TEX11: variants seen among roughly 807,000 people sequenced by gnomAD.
TEX11 encodes testis expressed 11, also known as testis-expressed protein 11.
Under a neutral mutation model 84.4 loss-of-function variants are expected in TEX11, and 7 were observed. The ratio of observed to expected loss-of-function variants is 0.08; its 90% CI spans 0.05 to 0.16. The LOEUF (loss-of-function observed/expected upper bound fraction) is 0.16, where lower values mean the gene tolerates loss of function less well. Among genes scored for constraint, TEX11 ranks in the 10% least tolerant of loss-of-function variants. The probability of loss-of-function intolerance (pLI) is 1.00; values close to 1 mark genes in which losing one functional copy is unlikely to be tolerated. For synonymous variants in TEX11, 264 were observed against 222.8 expected, an observed-to-expected ratio of 1.18 and a Z score of -1.64; for missense variants, 551 against 660.5, an observed-to-expected ratio of 0.83 and a Z score of 1.82.
intron 20 of TEX11, among the ~76,000 whole-genome samples, chrX:70,620,661 G>A (rs949797768): frequency 8.9e-6 from 1 of 112,438 alleles, no homozygotes; most frequent in Non-Finnish European, 1.9e-5. Context: ...AATGTTTACA[G>A]AAACTTTATT....
intron 8 of TEX11, among the ~76,000 whole-genome samples, chrX:70,827,100 G>A (rs1388219083): frequency 3.6e-5 from 4 of 111,347 alleles, no homozygotes; most frequent in African/African-American, 9.8e-5. Flanking sequence ...CAGGGCACTG[G>A]GCAGAGTAGT....
intron 9 of TEX11, among the ~76,000 whole-genome samples, chrX:70,799,132 T>C (rs1438356207): frequency 8.9e-6 from 1 of 111,882 alleles, no homozygotes; most frequent in Non-Finnish European, 1.9e-5. Flanking sequence ...ATATAAATTT[T>C]ATTTATCAAC....
At chrX:70,638,757 C>T (rs1337864551) in intron 17 of TEX11, among the ~76,000 whole-genome samples, 7 of 95,638 alleles carry the variant, frequency 7.3e-5, no homozygotes, top group African/African-American at 1.2e-4. Context: ...GCCAAGATGG[C>T]GCCACTGCAT....
intron 25 of TEX11, among the ~76,000 whole-genome samples, chrX:70,560,184 CTT>C (rs891986846): frequency 9.5e-6 from 1 of 105,517 alleles, no homozygotes; most frequent in African/African-American, 3.5e-5. Flanking sequence ...GATTTTCACT[CTT>C]GTTGCCCAGG....
chrX:70,857,289 A>G (rs917100499), intron 5 of TEX11: 1 of 127,924 alleles, frequency 7.8e-6, no homozygotes, highest in Non-Finnish European at 1.6e-5. Flanking sequence ...TAGTGCCTCA[A>G]TCGCTCTTCT....
At chrX:70,578,864 G>C (rs1453577801) in intron 25 of TEX11, among the ~76,000 whole-genome samples, 1 of 101,255 alleles carries the variant, frequency 9.9e-6, no homozygotes, top group South Asian at 4.8e-4. Context: ...TCTGCCTCCC[G>C]GGTTCGAGCA....
intron 24 of TEX11, among the ~76,000 whole-genome samples, chrX:70,600,159 C>A (rs1251837730): frequency 9.0e-6 from 1 of 111,553 alleles, no homozygotes; most frequent in Non-Finnish European, 1.9e-5. Context: ...GTTCCTATTT[C>A]TCCACATCCT....
At chrX:70,611,280 C>T (rs192007360) in intron 20 of TEX11, among the ~76,000 whole-genome samples, 1 of 111,444 alleles carries the variant, frequency 9.0e-6, no homozygotes, top group Non-Finnish European at 1.9e-5. Context: ...CTATAAGAGA[C>T]GAGAGGAAAA....
At chrX:70,593,491 A>C (rs2404187) in intron 24 of TEX11, among the ~76,000 whole-genome samples, 46,702 of 111,042 alleles carry the variant, frequency 0.42, 8,227 homozygotes, top group East Asian at 0.6. Context: ...GCAAAGAGAC[A>C]GGAAAGTGTG....
chrX:70,748,962 G>T (rs1426693759), intron 9 of TEX11, among the ~76,000 whole-genome samples: 16 of 106,449 alleles, frequency 1.5e-4, no homozygotes, highest in African/African-American at 4.6e-4. Flanking sequence ...GTGAAGAAAG[G>T]CATTGGTAGC....
chrX:70,607,870 T>G (rs1028007532), intron 22 of TEX11, among the ~76,000 whole-genome samples: 5 of 112,210 alleles, frequency 4.5e-5, no homozygotes, highest in Middle Eastern at 4.2e-3. Flanking sequence ...TCACCAAACT[T>G]GTCTATATTT....
At chrX:70,684,148 A>G (rs1453326123) in intron 13 of TEX11, among the ~76,000 whole-genome samples, 2 of 112,375 alleles carry the variant, frequency 1.8e-5, no homozygotes, top group East Asian at 5.5e-4. Flanking sequence ...ACTCCACCAA[A>G]GAACTCTAAG....
chrX:70,611,408 C>A (rs995428255), intron 20 of TEX11, among the ~76,000 whole-genome samples: 14 of 111,609 alleles, frequency 1.3e-4, no homozygotes, highest in African/African-American at 4.6e-4. Flanking sequence ...AGTAGGAAAA[C>A]CTGAAGCGTA....
chrX:70,658,285 C>T (rs1356679779), intron 16 of TEX11, among the ~76,000 whole-genome samples: 2 of 110,473 alleles, frequency 1.8e-5, no homozygotes, highest in Admixed American at 9.6e-5. Context: ...GGCACGATGG[C>T]GGGTGCCTGT....
intron 13 of TEX11, among the ~76,000 whole-genome samples, chrX:70,708,897 C>T (rs1274282369): frequency 1.9e-5 from 2 of 107,095 alleles, no homozygotes; most frequent in Non-Finnish European, 3.9e-5. Context: ...GCATATGTGT[C>T]CCTTGTATCT....
chrX:70,618,395 C>T (rs1482972057), intron 20 of TEX11, among the ~76,000 whole-genome samples: 3 of 111,362 alleles, frequency 2.7e-5, no homozygotes, highest in Admixed American at 9.5e-5. Context: ...CCTGGGTCCA[C>T]GAAATTAGTG....
chrX:70,731,985 G>A lies in TEX11; in HGVS notation c.844-6642C>T, dbSNP rs769382994. ...CAAGTGGACTTCATCCCTGGGATGC[G>A]AGGCTGGTTCAACATGTGCAAATCA... On this transcript the variant is annotated intron_variant, in intron 11 of 29. Transcript: ENST00000374333. Among the ~76,000 whole-genome samples the A allele has an allele frequency of 1.5e-3, 165 of 111,881 alleles. 1 individual carries two copies. The highest frequency in any genetic ancestry group is 5.1e-3 in the African/African-American group (157 of 30,810).
At chrX:70,814,423 G>A (rs1363629233) in intron 8 of TEX11, among the ~76,000 whole-genome samples, 5 of 112,324 alleles carry the variant, frequency 4.5e-5, no homozygotes, top group Admixed American at 2.8e-4. Flanking sequence ...TCCCAGATAC[G>A]TAAAGCAGTG....
Position 70,609,099 on chromosome X carries a change from C to T in TEX11, c.1871G>A (p.Arg624Gln). 1 of 1,199,878 alleles carries T rather than the reference C, an allele frequency of 8.3e-7. No individual in the cohort carries two copies. Among genetic ancestry groups the T allele is most frequent in the Non-Finnish European group, 1.1e-6 (1 of 889,781 alleles). Residue 624 changes from arginine to glutamine, a missense_variant, in exon 22 of 30, where the codon CGA becomes CAA. Arg to Gln is a conservative substitution (Grantham distance 43). Coordinates refer to ENST00000374333, the MANE Select transcript of TEX11 (RefSeq NM_031276.3). Reference sequence around the variant, plus strand: ...ACAGAATTTCCTCTTACCTGTTTTTCGAAACCACTGAGCTTCATTAGCTCT... The same window carrying T: ...ACAGAATTTCCTCTTACCTGTTTTTTGAAACCACTGAGCTTCATTAGCTCT... ...ESRANEAQWF[R>Q]KTAWNLAVQC...
Sources: gnomAD v4.1 joint callset for allele counts (sites outside exome capture counted in the v4.1 genomes callset) on GRCh38, gnomAD v4.1.1 for gene constraint, MANE v1.5 for transcripts, NCBI Gene and HGNC (gene_info 2026-07-23, HGNC 2026-07-21) for gene names.